Variants in NRG1 observed in about 807,000 individuals in gnomAD.
The protein encoded by NRG1 is neuregulin 1.
Under a neutral mutation model 63.8 loss-of-function variants are expected in NRG1, and 18 were observed. The ratio of observed to expected loss-of-function variants is 0.28; its 90% confidence interval spans 0.19 to 0.42. The LOEUF (loss-of-function observed/expected upper bound fraction) is 0.42, where lower values mean the gene tolerates loss of function less well. Ranked by LOEUF, NRG1 falls within the 10% of genes least tolerant of loss-of-function variation. The pLI, the probability that NRG1 is intolerant of heterozygous loss-of-function variation, is 1.00. For synonymous variants in NRG1, 302 were observed against 301.3 expected, an observed-to-expected ratio of 1.00 and a Z score of -0.02; for missense variants, 762 against 814.7, an observed-to-expected ratio of 0.94 and a Z score of 0.79.
At chr8:31,879,966 G>T (rs1038128458) in intron 1 of NRG1, among the ~76,000 whole-genome samples, 2 of 152,052 alleles carry the variant, frequency 1.3e-5, no homozygotes, top group African/African-American at 4.8e-5. Context: ...TTATTGATGG[G>T]CATTTAGGTT....
intron 1 of NRG1, among the ~76,000 whole-genome samples, chr8:32,297,787 T>C (rs1406617074): frequency 1.3e-5 from 2 of 152,238 alleles, no homozygotes; most frequent in African/African-American, 4.8e-5. Context: ...CAGTCAATCC[T>C]AAATCATGTC....
At chr8:32,051,915 G>C (rs552959887) in intron 1 of NRG1, among the ~76,000 whole-genome samples, 46 of 152,318 alleles carry the variant, frequency 3.0e-4, no homozygotes, top group African/African-American at 1.1e-3. Context: ...AGGTGGATAA[G>C]TGGTTGTTGA....
chr8:32,087,506 G>A lies in NRG1; in HGVS notation c.37+448075G>A, dbSNP rs376892711. ...TCTTTTTTTTTTTTTTTTTGAGATG[G>A]ACTGTCACTCTGTCACTCAGGCTGG... On this transcript the variant is annotated intron_variant, in intron 1 of 10. Transcript: ENST00000519301. Among the ~76,000 whole-genome samples, 9 of 11,354 alleles carry A rather than the reference G, an allele frequency of 7.9e-4. No individual in the cohort carries two copies. In the Admixed American group the frequency reaches 0.015, roughly 19 times the overall value. 7.4% of individuals were successfully genotyped at this position (11,354 alleles called of 152,430 possible).
intron 1 of NRG1, among the ~76,000 whole-genome samples, chr8:32,506,720 G>C (rs145515023): frequency 2.6e-5 from 4 of 151,838 alleles, no homozygotes; most frequent in Admixed American, 2.6e-4. Context: ...GGGGTATGTG[G>C]GGGGATCTTT....
At chr8:32,364,075 C>CTTTTTT (rs932903875) in intron 1 of NRG1, among the ~76,000 whole-genome samples, 136 of 65,446 alleles carry the variant, frequency 2.1e-3, no homozygotes, top group Middle Eastern at 0.023. Flanking sequence ...TCTGACTAGT[C>CTTTTTT]TTTTTTTTTT....
chr8:31,956,827 C>A (rs976220124), intron 1 of NRG1, among the ~76,000 whole-genome samples: 4 of 152,180 alleles, frequency 2.6e-5, no homozygotes, highest in African/African-American at 7.2e-5. Flanking sequence ...GACTTTCCAG[C>A]AATTTCATGG....
intron 1 of NRG1, among the ~76,000 whole-genome samples, chr8:32,501,453 C>A (rs1365080438): frequency 6.6e-6 from 1 of 152,148 alleles, no homozygotes; most frequent in African/African-American, 2.4e-5. Context: ...TTTTTACAAA[C>A]TGAGAGAACA....
At chr8:31,868,451 C>G (rs941439239) in intron 1 of NRG1, among the ~76,000 whole-genome samples, 2 of 152,150 alleles carry the variant, frequency 1.3e-5, no homozygotes, top group African/African-American at 4.8e-5. Flanking sequence ...CCTCTGATTG[C>G]GTAGTAATTC....
intron 1 of NRG1, among the ~76,000 whole-genome samples, chr8:31,906,220 T>C (rs912239009): frequency 6.6e-6 from 1 of 152,218 alleles, no homozygotes; most frequent in Non-Finnish European, 1.5e-5. Flanking sequence ...GTGTGGCTGT[T>C]GTCAGGAAGC....
In NRG1 at chr8:32,210,369, T is replaced by C. The variant is rs574817779; in HGVS notation, c.38-385459T>C. 2.6e-5 allele frequency among the ~76,000 whole-genome samples: 4 copies of C among 152,238 alleles called. No individual in the cohort carries two copies. In the South Asian group the frequency reaches 8.3e-4, roughly 32 times the overall value. ...TCATATTGCCTCCAGAAAATCCCAC[T>C]GACAATTTGTTGAAGACTAAAAGGG... On this transcript the variant is annotated intron_variant, in intron 1 of 10. Transcript: ENST00000519301.
At chr8:31,793,294 T>C (rs1486932630) in intron 1 of NRG1, among the ~76,000 whole-genome samples, 1 of 152,196 alleles carries the variant, frequency 6.6e-6, no homozygotes, top group Admixed American at 6.5e-5. Flanking sequence ...TGCACAGTTT[T>C]AGTGTTTAAA....
chr8:32,059,962 C>G (rs1823575562), intron 1 of NRG1, among the ~76,000 whole-genome samples: 1 of 151,888 alleles, frequency 6.6e-6, no homozygotes, highest in Non-Finnish European at 1.5e-5. Context: ...GTGAGAGTCC[C>G]TTTACTGTGT....
At chr8:32,331,689 A>G (rs1005739064) in intron 1 of NRG1, among the ~76,000 whole-genome samples, 1 of 152,176 alleles carries the variant, frequency 6.6e-6, no homozygotes, top group Non-Finnish European at 1.5e-5. Context: ...TAACCAAAGG[A>G]AGTGTGAGTA....
At chr8:32,093,634 G>A in intron 1 of NRG1, among the ~76,000 whole-genome samples, 1 of 152,246 alleles carries the variant, frequency 6.6e-6, no homozygotes, top group Non-Finnish European at 1.5e-5. Context: ...TTTCTGTTTG[G>A]TGTGAGGCTC....
chr8:32,429,683 G>A (rs936290252), intron 1 of NRG1, among the ~76,000 whole-genome samples: 2 of 151,912 alleles, frequency 1.3e-5, no homozygotes, highest in East Asian at 1.9e-4. Context: ...GGGCAATACC[G>A]TAAACTGGCA....
rs188591087 is a variant in NRG1 at position 31,923,544 on chromosome 8, C to T, written c.37+284113C>T. 6.6e-4 allele frequency among the ~76,000 whole-genome samples: 100 copies of T among 152,144 alleles called. 1 individual carries two copies. In the East Asian group the frequency reaches 0.016, roughly 25 times the overall value. ...TATGATTGCTGTAATTTCTTCCTTA[C>T]GTATTTGGGAGAATTCACCAGTGAG... is the stretch of plus-strand genomic sequence containing the variant. On this transcript the variant is annotated intron_variant, in intron 1 of 10. Transcript: ENST00000519301.
intron 1 of NRG1, among the ~76,000 whole-genome samples, chr8:31,778,275 C>G (rs1372821394): frequency 6.6e-5 from 10 of 152,196 alleles, no homozygotes; most frequent in Non-Finnish European, 1.5e-5. Flanking sequence ...GTCGTACTCT[C>G]TGCAATGCTA....
At chr8:32,202,544 C>A (rs1843601527) in intron 1 of NRG1, among the ~76,000 whole-genome samples, 1 of 152,022 alleles carries the variant, frequency 6.6e-6, no homozygotes, top group Non-Finnish European at 1.5e-5. Flanking sequence ...GTTCCCATAC[C>A]CAGTGTGTCC....
At chr8:32,218,995 T>A (rs904328627) in intron 1 of NRG1, among the ~76,000 whole-genome samples, 1 of 152,184 alleles carries the variant, frequency 6.6e-6, no homozygotes, top group African/African-American at 2.4e-5. Flanking sequence ...CTGTGCCAGG[T>A]GTTATTAGAA....
Sources: gnomAD v4.1 joint callset for allele counts (sites outside exome capture counted in the v4.1 genomes callset) on GRCh38, gnomAD v4.1.1 for gene constraint, MANE v1.5 for transcripts, NCBI Gene and HGNC (gene_info 2026-07-23, HGNC 2026-07-21) for gene names.